HECTD4: variants seen among roughly 807,000 people sequenced by gnomAD.
HECTD4 encodes the protein HECT domain E3 ubiquitin protein ligase 4.
HECTD4 carries 114 observed loss-of-function variants against 471.5 expected under a neutral mutation model. The ratio of observed to expected loss-of-function variants is 0.24; its 90% CI spans 0.21 to 0.28. The LOEUF is 0.28. Ranked by LOEUF, HECTD4 falls within the 10% of genes least tolerant of loss-of-function variation. The pLI, the probability that HECTD4 is intolerant of heterozygous loss-of-function variation, is 1.00. For synonymous variants in HECTD4, 2,012 were observed against 2,256.0 expected (o/e 0.89, Z 3.07); for missense variants, 3,866 against 5,651.5 (o/e 0.68, Z 10.13).
chr12:112,277,676 G>A (rs1160688892), intron 9 of HECTD4, among the ~76,000 whole-genome samples: 1 of 152,176 alleles, frequency 6.6e-6, no homozygotes, highest in Non-Finnish European at 1.5e-5. Flanking sequence ...ATCTTCAAGC[G>A]AGGGTGGAAT....
intron 8 of HECTD4, among the ~76,000 whole-genome samples, chr12:112,279,839 T>A (rs2034596997): frequency 6.6e-6 from 1 of 152,224 alleles, no homozygotes; most frequent in Non-Finnish European, 1.5e-5. Context: ...ATTTGGATTA[T>A]ACTTAAGAGT....
At chr12:112,275,007 T>G in intron 9 of HECTD4, 47 bp from the exon 10 acceptor site, 3 of 1,156,264 alleles carry the variant, frequency 2.6e-6, no homozygotes, top group Non-Finnish European at 3.7e-6. Flanking sequence ...AAGATTATTT[T>G]TAAAGTTTAA....
Position 112,207,873 on chromosome 12 carries a change from C to T in HECTD4, c.8131+1G>A. The T allele has an allele frequency of 6.2e-7, 1 of 1,613,814 alleles. No homozygotes were observed. The highest frequency in any genetic ancestry group is 8.5e-7 in the Non-Finnish European group (1 of 1,179,786). Reference sequence around the variant, plus strand: ...CCTTAGCAGAACAAAAAGTACCAGACCTAGTTGTAAGGCCCCCTTTATCTG... The same window carrying T: ...CCTTAGCAGAACAAAAAGTACCAGATCTAGTTGTAAGGCCCCCTTTATCTG... On this transcript the variant is annotated splice_donor_variant, in intron 52 of 75. Transcript: ENST00000682272. LOFTEE classifies it high-confidence loss of function.
intron 8 of HECTD4, among the ~76,000 whole-genome samples, chr12:112,280,262 T>C (rs2034608971): frequency 6.6e-6 from 1 of 152,192 alleles, no homozygotes; most frequent in African/African-American, 2.4e-5. Flanking sequence ...TGACATAAAC[T>C]GTCATTAGGA....
chr12:112,278,229 A>G (rs767436506), intron 9 of HECTD4, among the ~76,000 whole-genome samples: 14 of 152,172 alleles, frequency 9.2e-5, no homozygotes, highest in Non-Finnish European at 1.8e-4. Flanking sequence ...GTTGATGAGT[A>G]TGAGGTTTCT....
intron 9 of HECTD4, among the ~76,000 whole-genome samples, chr12:112,276,604 C>T (rs768264544): frequency 6.6e-6 from 1 of 152,080 alleles, no homozygotes; most frequent in Non-Finnish European, 1.5e-5. Context: ...CGCGCCACCA[C>T]GCCCAGCTAA....
chr12:112,178,946 A>C lies in HECTD4; in HGVS notation c.11348T>G (p.Val3783Gly). The stretch of plus-strand genomic sequence containing the variant: ...GGGCACGCACCTGACGCTGTTGAGC[A>C]CAGCCTTGTCCTTGGCGGGCGGCTT... ...ITKPPAKDKA[V>G]LNSVSRTALS... Residue 3783 changes from valine to glycine, a missense_variant, in exon 64 of 76, where the codon GTG (valine) becomes GGG (glycine). Physicochemically the swap from Val to Gly is moderately radical, Grantham distance 109 (BLOSUM62 -3). Around this residue, in one of 16 missense-constraint regions of HECTD4, gnomAD observed 715 missense variants for 1,087.6 expected, o/e 0.66. Coordinates refer to ENST00000682272, the MANE Select transcript of HECTD4 (RefSeq NM_001388303.1). 6.2e-7 allele frequency: 1 copy of C among 1,612,082 alleles called. No homozygotes were observed. Among genetic ancestry groups the C allele is most frequent in the African/African-American group, 1.3e-5 (1 of 75,052 alleles).
rs543737444 is a variant in HECTD4 at position 112,363,832 on chromosome 12, A to C, written c.177+18120T>G. On this transcript the variant is annotated intron_variant, in intron 1 of 75. Coordinates refer to ENST00000682272, the MANE Select transcript of HECTD4 (RefSeq NM_001388303.1). Reference sequence around the variant, plus strand: ...TCTACTAAAAATAAAAAAATTAACCAGGCAGTGGTGGCGTGCGCCTGCAAT... The same window carrying C: ...TCTACTAAAAATAAAAAAATTAACCCGGCAGTGGTGGCGTGCGCCTGCAAT... Among the ~76,000 whole-genome samples the C allele has an allele frequency of 9.9e-5, 15 of 151,538 alleles. 1 individual carries two copies. The highest frequency in any genetic ancestry group is 3.3e-4 in the Admixed American group (5 of 15,214).
intron 45 of HECTD4, among the ~76,000 whole-genome samples, chr12:112,217,738 T>G (rs1420605510): frequency 6.6e-6 from 1 of 152,250 alleles, no homozygotes; most frequent in Non-Finnish European, 1.5e-5. Context: ...TCTTCCATTA[T>G]CATCAATTCC....
chr12:112,196,651 C>T (rs2032253103), intron 55 of HECTD4, among the ~76,000 whole-genome samples: 1 of 152,130 alleles, frequency 6.6e-6, no homozygotes, highest in Admixed American at 6.5e-5. Flanking sequence ...AGTGCAGTGG[C>T]GTGATCATAG....
Position 112,313,011 on chromosome 12 carries a change from C to T in HECTD4, c.916+6G>A, listed in dbSNP as rs1457297420. On this transcript the variant is annotated splice_donor_region_variant and intron_variant, in intron 4 of 75. Coordinates refer to ENST00000682272, the MANE Select transcript of HECTD4 (RefSeq NM_001388303.1). ...ATTAATCACAGGACAAAAACTTTTACATTACCTTTATTTTCAGAACTGGAG... is the reference window on the plus strand; with the variant it reads ...ATTAATCACAGGACAAAAACTTTTATATTACCTTTATTTTCAGAACTGGAG... 2.6e-6 allele frequency: 4 copies of T among 1,534,642 alleles called. No homozygotes were observed. The highest frequency in any genetic ancestry group is 3.5e-6 in the Non-Finnish European group (4 of 1,146,376).
Position 112,235,017 on chromosome 12 carries a change from C to T in HECTD4, c.5915+60G>A, listed in dbSNP as rs752016428. The T allele has an allele frequency of 6.1e-6, 9 of 1,470,908 alleles. No homozygotes were observed. The highest frequency in any genetic ancestry group is 8.3e-6 in the Non-Finnish European group (9 of 1,084,602). The allele number at this position is 1,470,908 out of a possible 1,614,324, so 91.1% of individuals were successfully genotyped here. On this transcript the variant is annotated intron_variant, in intron 37 of 75. Transcript: ENST00000682272. The surrounding 1 kb of genome is among the most constrained non-coding windows in gnomAD (Gnocchi z 5.0). ...ATACATGTACAGGGCTTACTTAGCA[C>T]AGTGCCTGTGACATGGGTGGTGCTT...
rs892318760 is a variant in HECTD4 at position 112,381,108 on chromosome 12, C to T, written c.177+844G>A. Among the ~76,000 whole-genome samples, 10 of 152,162 alleles carry T rather than the reference C, an allele frequency of 6.6e-5. No homozygotes were observed. Among genetic ancestry groups the T allele is most frequent in the African/African-American group, 2.4e-4 (10 of 41,426 alleles). On this transcript the variant is annotated intron_variant, in intron 1 of 75. Coordinates refer to ENST00000682272, the MANE Select transcript of HECTD4 (RefSeq NM_001388303.1). This position sits in a 1 kb window ranked among gnomAD's most constrained non-coding sequence, Gnocchi z 4.1. ...TCCATGAAACGACACTGCCAGTATT[C>T]CCACCTCTAGGCAAACACGAACCCA...
At chr12:112,323,953 T>C (rs770100961) in intron 1 of HECTD4, among the ~76,000 whole-genome samples, 422 of 39,272 alleles carry the variant, frequency 0.011, 7 homozygotes, top group South Asian at 0.013. Context: ...GGTGCTTCTT[T>C]CTTTCTTTCT....
chr12:112,336,185 A>G (rs1166830662), intron 1 of HECTD4, among the ~76,000 whole-genome samples: 1 of 152,224 alleles, frequency 6.6e-6, no homozygotes, highest in Non-Finnish European at 1.5e-5. Context: ...TTCGACAAAT[A>G]AACTGCAAGG....
At chr12:112,189,324 G>A (rs921679104) in intron 60 of HECTD4, among the ~76,000 whole-genome samples, 4 of 151,974 alleles carry the variant, frequency 2.6e-5, no homozygotes, top group Non-Finnish European at 5.9e-5. Context: ...AGGCCGAGGC[G>A]GGTGGATCAC....
Position 112,162,378 on chromosome 12 carries a change from T to C in HECTD4, c.*9A>G. Reference sequence around the variant, plus strand: ...CTCAGTGACAGCCTAATTCTGGGGCTCCCTCCCATCAGCCACTGAGGGGGT... The same window carrying C: ...CTCAGTGACAGCCTAATTCTGGGGCCCCCTCCCATCAGCCACTGAGGGGGT... On this transcript the variant is annotated 3_prime_UTR_variant, in exon 76 of 76. Transcript: ENST00000682272. This position sits in a 1 kb window ranked among gnomAD's most constrained non-coding sequence, Gnocchi z 5.2. 5 of 1,613,808 alleles carry C rather than the reference T, an allele frequency of 3.1e-6. No homozygotes were observed. Among genetic ancestry groups the C allele is most frequent in the Non-Finnish European group, 4.2e-6 (5 of 1,179,838 alleles).
chr12:112,183,393 ACT>A, intron 61 of HECTD4, 127 bp from the exon 62 acceptor site: 1 of 749,442 alleles, frequency 1.3e-6, no homozygotes, highest in Non-Finnish European at 2.2e-6. Context: ...AAGCTGCCCT[ACT>A]CTGGTGAGCT....
intron 25 of HECTD4, chr12:112,249,701 T>C (rs1229475043): frequency 5.6e-6 from 1 of 179,472 alleles, no homozygotes; most frequent in African/African-American, 2.4e-5. Context: ...ATTAGAGAAC[T>C]CCTCACCATT....
Sources: gnomAD v4.1 joint callset for allele counts (sites outside exome capture counted in the v4.1 genomes callset) on GRCh38, gnomAD v4.1.1 for gene constraint, gnomAD v4.1.1 regional missense constraint, Gnocchi (gnomAD v3.1) non-coding constraint, MANE v1.5 for transcripts, NCBI Gene and HGNC (gene_info 2026-07-23, HGNC 2026-07-21) for gene names.